The following MPDZ variants were observed in gnomAD, a reference collection of about 807,000 sequenced individuals.
MPDZ encodes multiple PDZ domain crumbs cell polarity complex component.
A neutral mutation model predicts 239.1 loss-of-function variants in MPDZ; 234 were observed. That is an observed-to-expected ratio of 0.98 (90% CI 0.88 to 1.09). The LOEUF is 1.09. Among genes scored for constraint, MPDZ ranks in the 50% least tolerant of loss-of-function variants. The probability of loss-of-function intolerance (pLI) is 0.00; values close to 1 mark genes in which losing one functional copy is unlikely to be tolerated. For synonymous variants in MPDZ, 1,048 were observed against 881.3 expected, an observed-to-expected ratio of 1.19 and a Z score of -3.35; for missense variants, 3,175 against 2,510.0, an observed-to-expected ratio of 1.26 and a Z score of -5.66.
chr9:13,113,503 A>C (rs772054681), intron 41 of MPDZ, among the ~76,000 whole-genome samples: 2 of 152,202 alleles, frequency 1.3e-5, no homozygotes, highest in Non-Finnish European at 2.9e-5. Context: ...CAATGCACCA[A>C]GCCAAAAATC....
At chr9:13,138,201 T>A (rs1223256518) in intron 28 of MPDZ, 48 bp from the exon 29 acceptor site, 6 of 1,465,088 alleles carry the variant, frequency 4.1e-6, no homozygotes. Flanking sequence ...TAATTTACAG[T>A]CAAATGCTTT....
intron 31 of MPDZ, 30 bp from the exon 32 acceptor site, chr9:13,133,934 G>A: frequency 5.4e-6 from 7 of 1,301,770 alleles, no homozygotes; most frequent in African/African-American, 1.5e-5. Flanking sequence ...GACAAAAAGA[G>A]CAACTGAGTG....
Position 13,178,997 on chromosome 9 carries a change from T to C in MPDZ, c.2650-2580A>G, listed in dbSNP as rs532055200. On this transcript the variant is annotated intron_variant, in intron 19 of 46. Coordinates refer to ENST00000319217, the MANE Select transcript of MPDZ (RefSeq NM_001378778.1). ...TTATTTCAGGGTATGGTGTGAGATA[T>C]GGGTCTGTCACTTTTTTCTAAACGG... Among the ~76,000 whole-genome samples, 13 of 152,160 alleles carry C rather than the reference T, an allele frequency of 8.5e-5. 1 individual carries two copies. The highest frequency in any genetic ancestry group is 1.9e-4 in the Non-Finnish European group (13 of 68,034).
chr9:13,215,483 T>C (rs72706374), intron 10 of MPDZ, among the ~76,000 whole-genome samples: 8,181 of 150,968 alleles, frequency 0.054, 294 homozygotes, highest in Middle Eastern at 0.11. Flanking sequence ...TCATAGATAT[T>C]TGGGTTGCTT....
chr9:13,126,570 T>C lies in MPDZ; in HGVS notation c.4578A>G (p.Gly1526=). 6.3e-7 allele frequency: 1 copy of C among 1,594,250 alleles called. No individual in the cohort carries two copies. The highest frequency in any genetic ancestry group is 8.6e-7 in the Non-Finnish European group (1 of 1,169,386). The change falls in exon 34 of 47, where the codon GGA becomes GGG. Residue 1526 remains glycine, a synonymous_variant. Coordinates refer to ENST00000319217, the MANE Select transcript of MPDZ (RefSeq NM_001378778.1). ...VAATDGRLKV[G]DQILAVDDEI... ...CATCATCTACAGCCAGTATCTGATC[T>C]CCGACTTTGAGTCGTCCATCCTAAA...
intron 13 of MPDZ, among the ~76,000 whole-genome samples, chr9:13,194,526 T>A (rs191075433): frequency 1.3e-4 from 19 of 151,954 alleles, no homozygotes; most frequent in Admixed American, 1.0e-3. Flanking sequence ...GAGGGAAACA[T>A]CACACACTAG....
intron 3 of MPDZ, among the ~76,000 whole-genome samples, chr9:13,236,159 C>G (rs1291570286): frequency 1.4e-5 from 2 of 144,962 alleles, no homozygotes; most frequent in Non-Finnish European, 3.0e-5. Flanking sequence ...GCATACTGCA[C>G]TAAATGCTGG....
chr9:13,172,791 G>T (rs1022290475), intron 21 of MPDZ, among the ~76,000 whole-genome samples: 2 of 152,142 alleles, frequency 1.3e-5, no homozygotes, highest in Non-Finnish European at 2.9e-5. Flanking sequence ...GTGATGGAAA[G>T]GAAGGACACT....
chr9:13,221,773 T>C (rs1253685352), intron 6 of MPDZ, among the ~76,000 whole-genome samples: 2 of 151,740 alleles, frequency 1.3e-5, no homozygotes, highest in Non-Finnish European at 2.9e-5. Context: ...AGATCTTTTG[T>C]AGAACTTCTT....
rs771692493 is a variant in MPDZ at position 13,190,260 on chromosome 9, T to C, written c.2008A>G (p.Thr670Ala). 15 of 1,609,572 alleles carry C rather than the reference T, an allele frequency of 9.3e-6. No homozygotes were observed. The East Asian group carries it at 2.5e-4, about 26-fold the overall frequency. Reference protein sequence around the residue: ...DLGEFIGSSETEDPVLAMTDA... With the variant: ...DLGEFIGSSEAEDPVLAMTDA... ...GTCATCGCCAGCACTGGATCCTCTG[T>C]CTCTGATGACCCGATGAACTCACCT... Residue 670 changes from threonine to alanine, a missense_variant, in exon 16 of 47, where the codon ACA (threonine) becomes GCA (alanine). Coordinates refer to ENST00000319217, the MANE Select transcript of MPDZ (RefSeq NM_001378778.1).
chr9:13,247,761 G>C lies in MPDZ; in HGVS notation c.57C>G (p.Thr19=), dbSNP rs1050919703. The change falls in exon 3 of 47, where the codon ACC becomes ACG. Residue 19 remains threonine (T), a synonymous_variant. Coordinates refer to ENST00000319217, the MANE Select transcript of MPDZ (RefSeq NM_001378778.1). ...CTACATCCCCACGTTCTCGCAGCTT[G>C]GTTTGCAAGCGCTCTGCTGCATGCA... ...RALHAAERLQ[T]KLRERGDVAN... is the part of the protein sequence containing the mutation. 3 of 1,612,418 alleles carry C rather than the reference G, an allele frequency of 1.9e-6. No individual in the cohort carries two copies. The highest frequency in any genetic ancestry group is 2.7e-5 in the African/African-American group (2 of 74,862).
At chr9:13,150,810 T>C (rs1451536336) in intron 24 of MPDZ, 122 bp from the exon 25 acceptor site, 3 of 600,148 alleles carry the variant, frequency 5.0e-6, no homozygotes, top group Non-Finnish European at 7.4e-6. Flanking sequence ...AAAGAAAAAA[T>C]AGATAAAATG....
At chr9:13,181,596 A>G (rs1421998689) in intron 19 of MPDZ, among the ~76,000 whole-genome samples, 4 of 152,188 alleles carry the variant, frequency 2.6e-5, no homozygotes, top group Non-Finnish European at 4.4e-5. Context: ...ATTTCAGTTG[A>G]TAAACGAGCT....
intron 1 of MPDZ, among the ~76,000 whole-genome samples, chr9:13,271,900 T>C (rs1056893532): frequency 2.6e-5 from 4 of 152,102 alleles, no homozygotes; most frequent in African/African-American, 7.2e-5. Context: ...GAGAACATAC[T>C]GTATGATTCC....
chr9:13,181,319 T>C (rs987674148), intron 19 of MPDZ, among the ~76,000 whole-genome samples: 4 of 152,176 alleles, frequency 2.6e-5, no homozygotes, highest in Non-Finnish European at 5.9e-5. Context: ...GTAAATTCCA[T>C]AACAAATCAC....
intron 3 of MPDZ, among the ~76,000 whole-genome samples, chr9:13,229,076 C>T: frequency 6.6e-6 from 1 of 152,076 alleles, no homozygotes; most frequent in East Asian, 1.9e-4. Flanking sequence ...TCTAGAGTAG[C>T]ATCCAAGAAA....
chr9:13,110,203 C>T, intron 44 of MPDZ, 139 bp from the exon 45 acceptor site: 1 of 658,466 alleles, frequency 1.5e-6, no homozygotes. Context: ...TAAAATACAA[C>T]CAAAGAGAAT....
At chr9:13,183,231 A>G (rs1346620700) in intron 19 of MPDZ, among the ~76,000 whole-genome samples, 187 bp downstream of exon 19, 1 of 152,038 alleles carries the variant, frequency 6.6e-6, no homozygotes, top group African/African-American at 2.4e-5. Context: ...AATAGTTTCT[A>G]GTAATCTGAA....
chr9:13,119,784 A>G (rs1944053432), intron 38 of MPDZ, 135 bp from the exon 39 acceptor site: 2 of 863,658 alleles, frequency 2.3e-6, no homozygotes, highest in East Asian at 5.3e-5. Flanking sequence ...TTGGAGCAAC[A>G]CTGGGGCAAC....
Sources: allele counts gnomAD v4.1 joint callset (sites outside exome capture counted in the v4.1 genomes callset), GRCh38; gene constraint gnomAD v4.1.1; transcripts MANE v1.5; gene names NCBI Gene and HGNC (gene_info 2026-07-23, HGNC 2026-07-21).